CSMD2: variants seen among roughly 807,000 people sequenced by gnomAD.
CSMD2 encodes CUB and Sushi multiple domains 2.
CSMD2 carries 130 observed loss-of-function variants against 398.5 expected under a neutral mutation model. That is an observed-to-expected ratio of 0.33 (90% confidence interval 0.28 to 0.38). The LOEUF is 0.38. Among genes scored for constraint, CSMD2 ranks in the 10% least tolerant of loss-of-function variants. The pLI, the probability that CSMD2 is intolerant of heterozygous loss-of-function variation, is 1.00. For missense variants in CSMD2, 3,829 were observed against 4,764.9 expected, an observed-to-expected ratio of 0.80 and a Z score of 5.78; for synonymous variants, 1,828 against 1,908.5, an observed-to-expected ratio of 0.96 and a Z score of 1.10.
chr1:33,660,639 G>C (rs901173993), intron 26 of CSMD2, among the ~76,000 whole-genome samples: 1 of 152,180 alleles, frequency 6.6e-6, no homozygotes. Flanking sequence ...CATAACACTG[G>C]GCCAGGCTGT....
chr1:33,935,893 T>A lies in CSMD2; in HGVS notation c.579A>T (p.Ser193=), dbSNP rs1294116673. The A allele has an allele frequency of 6.2e-7, 1 of 1,614,146 alleles. No homozygotes were observed. The highest frequency in any genetic ancestry group is 8.5e-7 in the Non-Finnish European group (1 of 1,179,958). Residue 193 remains serine (S), a synonymous_variant, in exon 4 of 71, where the codon TCA becomes TCT. Transcript: ENST00000373381. Reference sequence around the variant, plus strand: ...GGACCTTGTCACCGAGGTTGAAGGTTGAACCCTGCTGGATGCCATTGGGCA... The same window carrying A: ...GGACCTTGTCACCGAGGTTGAAGGTAGAACCCTGCTGGATGCCATTGGGCA... The part of the protein sequence containing the change: ...GRLPNGIQQG[S]TFNLGDKVRY...
chr1:34,147,245 G>A (rs543084456), intron 1 of CSMD2, among the ~76,000 whole-genome samples: 54 of 152,010 alleles, frequency 3.6e-4, no homozygotes, highest in Middle Eastern at 3.4e-3. Context: ...GTGACAGAGC[G>A]ACACTCCATC....
At chr1:33,720,263 C>T (rs181773579) in intron 19 of CSMD2, among the ~76,000 whole-genome samples, 1 of 152,332 alleles carries the variant, frequency 6.6e-6, no homozygotes, top group Admixed American at 6.5e-5. Flanking sequence ...ACAAGACAGA[C>T]CTATCTCTCA....
Position 33,616,589 on chromosome 1 carries a change from G to A in CSMD2, c.6016+317C>T, listed in dbSNP as rs141735589. On this transcript the variant is annotated intron_variant, in intron 39 of 70. Coordinates refer to ENST00000373381, the MANE Select transcript of CSMD2 (RefSeq NM_001281956.2). ...GTCTGTCTGTCCCACAAGAAGTCAC[G>A]GGGGAAGCCCAAAGTGCCTAGAAAT... is the stretch of plus-strand genomic sequence containing the variant. Among the ~76,000 whole-genome samples, 200 of 152,234 alleles carry A rather than the reference G, an allele frequency of 1.3e-3. 1 individual carries two copies. Among genetic ancestry groups the A allele is most frequent in the African/African-American group, 4.5e-3 (186 of 41,522 alleles).
chr1:33,674,823 T>G (rs867598598), intron 25 of CSMD2, among the ~76,000 whole-genome samples: 10 of 152,170 alleles, frequency 6.6e-5, no homozygotes, highest in Admixed American at 6.5e-5. Context: ...ACCGCTCAAC[T>G]ACATGGAAAC....
At chr1:33,798,842 C>G (rs750102348) in intron 10 of CSMD2, among the ~76,000 whole-genome samples, 9 of 152,184 alleles carry the variant, frequency 5.9e-5, no homozygotes, top group Non-Finnish European at 2.9e-5. Flanking sequence ...CCCCTTGCCA[C>G]GTGCTGTCCA....
chr1:33,830,018 G>A (rs148040239), intron 6 of CSMD2, among the ~76,000 whole-genome samples: 19,049 of 152,236 alleles, frequency 0.13, 1,660 homozygotes, highest in South Asian at 0.35. Context: ...GCTCGAACTG[G>A]GTGGAGTGCA....
intron 10 of CSMD2, among the ~76,000 whole-genome samples, chr1:33,803,922 A>C (rs1319421702): frequency 6.6e-6 from 1 of 152,138 alleles, no homozygotes; most frequent in Non-Finnish European, 1.5e-5. Context: ...ATCTACTCTG[A>C]GATCTTGTTC....
At chr1:33,606,913 T>C (rs6658671) in intron 41 of CSMD2, among the ~76,000 whole-genome samples, 55 of 152,224 alleles carry the variant, frequency 3.6e-4, no homozygotes, top group African/African-American at 1.2e-3. Context: ...AGGTTGGCCA[T>C]ATAAGGCAGA....
At chr1:33,527,940 CAAAA>C (rs61088318) in intron 64 of CSMD2, among the ~76,000 whole-genome samples, 26,232 of 108,124 alleles carry the variant, frequency 0.24, 2,339 homozygotes, top group East Asian at 0.38. Context: ...GACTCTGTCT[CAAAA>C]AAAAAAAAAA....
At chr1:33,723,474 C>A (rs1322286497) in intron 19 of CSMD2, among the ~76,000 whole-genome samples, 1 of 152,196 alleles carries the variant, frequency 6.6e-6, no homozygotes, top group Non-Finnish European at 1.5e-5. Context: ...CCAGTGTCAG[C>A]CACATGGGTG....
intron 1 of CSMD2, among the ~76,000 whole-genome samples, chr1:34,160,738 C>T (rs1428423772): frequency 3.3e-5 from 5 of 152,202 alleles, no homozygotes; most frequent in Middle Eastern, 3.4e-3. Context: ...CAAATAAATG[C>T]TTTTTAATAC....
intron 10 of CSMD2, among the ~76,000 whole-genome samples, chr1:33,805,071 G>A (rs1221749539): frequency 1.3e-5 from 2 of 152,210 alleles, no homozygotes; most frequent in Non-Finnish European, 2.9e-5. Context: ...AAGGCATGTA[G>A]GGGAGTGACC....
chr1:34,165,627 GAC>G, upstream of CSMD2: 1 of 855,870 alleles, frequency 1.2e-6, no homozygotes, highest in Admixed American at 2.0e-5. Context: ...CAGTGACAGA[GAC>G]ACACGCACTC....
At chr1:33,675,422 C>A (rs944336949) in intron 25 of CSMD2, among the ~76,000 whole-genome samples, 1 of 152,176 alleles carries the variant, frequency 6.6e-6, no homozygotes, top group East Asian at 1.9e-4. Context: ...GAAGTTGAAT[C>A]TCTGAATAGA....
At position 33,559,262 on chromosome 1, in the gene CSMD2, A is replaced by G. The variant is rs1476753063; in HGVS notation, c.8554+38T>C. On this transcript the variant is annotated intron_variant, in intron 54 of 70. Transcript: ENST00000373381. This position sits in a 1 kb window ranked among gnomAD's most constrained non-coding sequence, Gnocchi z 4.0. ...AGCTACAGAACCACATATAGCAGAGATGGTGGGGACTGGATTGGGAGAGAA... is the reference window on the plus strand; with the variant it reads ...AGCTACAGAACCACATATAGCAGAGGTGGTGGGGACTGGATTGGGAGAGAA... The G allele has an allele frequency of 6.6e-7, 1 of 1,520,846 alleles. No individual in the cohort carries two copies. Among genetic ancestry groups the G allele is most frequent in the Admixed American group, 2.0e-5 (1 of 50,862 alleles). The allele number at this position is 1,520,846 out of a possible 1,614,324, so 94.2% of individuals were successfully genotyped here. A position where few individuals can be genotyped will look rare whatever the true frequency, so the allele number is the denominator to read the frequency against.
intron 1 of CSMD2, among the ~76,000 whole-genome samples, chr1:34,153,875 A>C (rs1042852913): frequency 5.3e-5 from 8 of 152,178 alleles, no homozygotes; most frequent in African/African-American, 1.7e-4. Flanking sequence ...CTACCTCCCC[A>C]AAAACACTGA....
Position 33,537,379 on chromosome 1 carries a change from AAAG to A in CSMD2, c.9805+54_9805+56del, listed in dbSNP as rs1252754067. The A allele has an allele frequency of 1.9e-6, 3 of 1,544,998 alleles. No homozygotes were observed. The highest frequency in any genetic ancestry group is 1.4e-5 in the African/African-American group (1 of 72,910). ...AAGGAAAGTAATCATCTCAGGCCCA[AAAG>A]AAGGTCTCCCGCAACCCCAGCCAAG... On this transcript the variant is annotated intron_variant, in intron 61 of 70. Coordinates refer to ENST00000373381, the MANE Select transcript of CSMD2 (RefSeq NM_001281956.2). The surrounding 1 kb of genome is among the most constrained non-coding windows in gnomAD (Gnocchi z 4.6).
At chr1:33,930,778 A>AG (rs1644288349) in intron 4 of CSMD2, among the ~76,000 whole-genome samples, 3 of 152,202 alleles carry the variant, frequency 2.0e-5, no homozygotes, top group Admixed American at 1.3e-4. Context: ...CACAAAGTGA[A>AG]GGGGGGTCAC....
Sources: gnomAD v4.1 joint callset for allele counts (sites outside exome capture counted in the v4.1 genomes callset) on GRCh38, gnomAD v4.1.1 for gene constraint, Gnocchi (gnomAD v3.1) non-coding constraint, MANE v1.5 for transcripts, NCBI Gene and HGNC (gene_info 2026-07-23, HGNC 2026-07-21) for gene names.